Variants in CFAP54 observed in about 807,000 individuals in gnomAD.
CFAP54 encodes the protein cilia and flagella associated protein 54, also known as cilia- and flagella-associated protein 54.
In CFAP54, 290 loss-of-function variants were observed where a neutral mutation model predicts 370.4. The observed-to-expected ratio is 0.78, with a 90% CI of 0.71 to 0.86. The LOEUF is 0.86. Among genes scored for constraint, CFAP54 ranks in the 40% least tolerant of loss-of-function variants. The pLI, the probability that CFAP54 is intolerant of heterozygous loss-of-function variation, is 0.00. For synonymous variants in CFAP54, 1,206 were observed against 1,236.5 expected (o/e 0.98, Z 0.52); for missense variants, 3,399 against 3,528.7 (o/e 0.96, Z 0.93).
At chr12:96,617,413 C>T (rs1956431872) in intron 26 of CFAP54, among the ~76,000 whole-genome samples, 1 of 152,112 alleles carries the variant, frequency 6.6e-6, no homozygotes, top group Non-Finnish European at 1.5e-5. Context: ...TTCAAGGGTG[C>T]ACTTAGTCCA....
intron 4 of CFAP54, among the ~76,000 whole-genome samples, chr12:96,512,682 T>C (rs1459073070): frequency 6.6e-6 from 1 of 152,062 alleles, no homozygotes. Flanking sequence ...AAGCACAGGG[T>C]ACATAAATTA....
intron 45 of CFAP54, among the ~76,000 whole-genome samples, chr12:96,696,401 A>G (rs193266483): frequency 6.6e-5 from 10 of 152,280 alleles, no homozygotes; most frequent in Non-Finnish European, 1.0e-4. Flanking sequence ...AAGAAGCATG[A>G]AAGGGTTGCA....
intron 60 of CFAP54, among the ~76,000 whole-genome samples, chr12:96,783,103 T>C (rs150299885): frequency 6.6e-6 from 1 of 152,302 alleles, no homozygotes; most frequent in African/African-American, 2.4e-5. Flanking sequence ...TCTCTTCCCA[T>C]AAAGTTCTAA....
At chr12:96,689,184 G>A (rs932876081) in intron 43 of CFAP54, among the ~76,000 whole-genome samples, 11 of 151,158 alleles carry the variant, frequency 7.3e-5, no homozygotes, top group South Asian at 2.1e-4. Flanking sequence ...TTTTTGAGAC[G>A]GAGTCTCACT....
In CFAP54 at chr12:96,518,910, G is replaced by A; in HGVS notation, c.799-18G>A. On this transcript the variant is annotated intron_variant, in intron 5 of 67. Coordinates refer to ENST00000524981, the MANE Select transcript of CFAP54 (RefSeq NM_001306084.2). The stretch of plus-strand genomic sequence containing the variant: ...ACTTCAAATGAAAACAAATCCAATG[G>A]TGCCCTTTATTTTGCAGGCCTTAGA... 1 of 1,508,826 alleles carries A rather than the reference G, an allele frequency of 6.6e-7. No homozygotes were observed. The highest frequency in any genetic ancestry group is 8.9e-7 in the Non-Finnish European group (1 of 1,129,694). 93.5% of individuals were successfully genotyped at this position (1,508,826 alleles called of 1,614,324 possible).
chr12:96,581,240 G>T, intron 22 of CFAP54, 135 bp downstream of exon 22: 1 of 553,042 alleles, frequency 1.8e-6, no homozygotes, highest in Non-Finnish European at 2.7e-6. Context: ...CATTACTACA[G>T]TTTTGTCTCA....
At chr12:96,726,016 G>C (rs1326463509) in intron 50 of CFAP54, among the ~76,000 whole-genome samples, 1 of 146,068 alleles carries the variant, frequency 6.8e-6, no homozygotes, top group African/African-American at 2.5e-5. Flanking sequence ...TTGCATCCCA[G>C]GGATGAAGCC....
At chr12:96,645,220 A>G in intron 33 of CFAP54, 2 of 455,786 alleles carry the variant, frequency 4.4e-6, no homozygotes, top group Middle Eastern at 3.4e-4. Context: ...AATAGAAGAT[A>G]CATACATAAT....
intron 60 of CFAP54, among the ~76,000 whole-genome samples, chr12:96,770,336 A>C (rs1366924644): frequency 6.6e-6 from 1 of 152,160 alleles, no homozygotes; most frequent in Non-Finnish European, 1.5e-5. Context: ...AACTCCACTC[A>C]GAGATTCATA....
At chr12:96,670,224 A>G (rs574021659) in intron 39 of CFAP54, among the ~76,000 whole-genome samples, 20 of 152,312 alleles carry the variant, frequency 1.3e-4, no homozygotes, top group African/African-American at 4.1e-4. Context: ...GCTAGACCAT[A>G]TGTACATATA....
At chr12:96,662,008 A>G (rs1957000108) in intron 38 of CFAP54, among the ~76,000 whole-genome samples, 1 of 151,990 alleles carries the variant, frequency 6.6e-6, no homozygotes, top group Admixed American at 6.6e-5. Flanking sequence ...CCCACTTCCA[A>G]CTGGTTACCA....
chr12:96,508,270 A>C (rs1592820547), intron 4 of CFAP54, among the ~76,000 whole-genome samples: 1 of 144,684 alleles, frequency 6.9e-6, no homozygotes, highest in Non-Finnish European at 1.5e-5. Flanking sequence ...CACTGGGATT[A>C]CATTTCTCTC....
rs71068819 is a variant in CFAP54 at position 96,621,875 on chromosome 12, G to GTTTTTTTTTTTTTT, written c.3771+173_3771+186dup. 1.7e-3 allele frequency among the ~76,000 whole-genome samples: 85 copies of GTTTTTTTTTTTTTT among 50,030 alleles called. 20 individuals are homozygous for GTTTTTTTTTTTTTT. The highest frequency in any genetic ancestry group is 0.015 in the East Asian group (18 of 1,186). The allele number at this position is 50,030 out of a possible 152,430, so 32.8% of individuals were successfully genotyped here. A position where few individuals can be genotyped will look rare whatever the true frequency, so the allele number is the denominator to read the frequency against. On this transcript the variant is annotated intron_variant, in intron 27 of 67. Coordinates refer to ENST00000524981, the MANE Select transcript of CFAP54 (RefSeq NM_001306084.2). ...ATTATAGTAAAGAGCTTTTGGGTTT[G>GTTTTTTTTTTTTTT]TTTTTTTTTTTTTTTTTTTTTTTTT...
intron 63 of CFAP54, among the ~76,000 whole-genome samples, chr12:96,806,703 C>A (rs750479661): frequency 6.6e-6 from 1 of 152,074 alleles, no homozygotes; most frequent in East Asian, 1.9e-4. Context: ...TGCAGAGGCC[C>A]AGGGATTCCC....
chr12:96,538,513 AAC>A lies in CFAP54; in HGVS notation c.1923_1924del (p.Asn641LysfsTer11). ...YAKFTQKIST[N>X]KWIYLLWQIN... ...AAAATTCACCCAGAAAATCAGTACT[AAC>A]AAAGTATTCCTTTCGCATTCCCTTT... On this transcript the variant is annotated frameshift_variant, in exon 13 of 68. Coordinates refer to ENST00000524981, the MANE Select transcript of CFAP54 (RefSeq NM_001306084.2). LOFTEE classifies it high-confidence loss of function. 6.5e-7 allele frequency: 1 copy of A among 1,535,904 alleles called. No individual in the cohort carries two copies. Among genetic ancestry groups the A allele is most frequent in the East Asian group, 2.4e-5 (1 of 40,866 alleles).
chr12:96,501,873 TG>T (rs1375325187), intron 2 of CFAP54, among the ~76,000 whole-genome samples: 1 of 152,222 alleles, frequency 6.6e-6, no homozygotes, highest in African/African-American at 2.4e-5. Flanking sequence ...AAATGGACCA[TG>T]GGTCTTAGAA....
At chr12:96,600,368 A>G (rs1334897792) in intron 26 of CFAP54, among the ~76,000 whole-genome samples, 1 of 152,156 alleles carries the variant, frequency 6.6e-6, no homozygotes, top group Non-Finnish European at 1.5e-5. Flanking sequence ...TACCAGTACC[A>G]TGCTGTTTTG....
At chr12:96,624,031 C>A in intron 28 of CFAP54, 150 bp downstream of exon 28, 1 of 564,394 alleles carries the variant, frequency 1.8e-6, no homozygotes, top group Non-Finnish European at 3.1e-6. Flanking sequence ...TAACAATACC[C>A]TGTTAATAAG....
intron 67 of CFAP54, among the ~76,000 whole-genome samples, chr12:96,870,578 G>T (rs1230985048): frequency 6.6e-6 from 1 of 152,150 alleles, no homozygotes; most frequent in Non-Finnish European, 1.5e-5. Flanking sequence ...CTCAATAACA[G>T]GTAGCTCTTA....
Sources: gnomAD v4.1 joint callset for allele counts (sites outside exome capture counted in the v4.1 genomes callset) on GRCh38, gnomAD v4.1.1 for gene constraint, MANE v1.5 for transcripts, NCBI Gene and HGNC (gene_info 2026-07-23, HGNC 2026-07-21) for gene names.